C9orf85: variants seen among roughly 807,000 people sequenced by gnomAD.
C9orf85 encodes the protein chromosome 9 open reading frame 85, also known as uncharacterized protein C9orf85.
In C9orf85, 16 loss-of-function variants were observed where a neutral mutation model predicts 14.9. The ratio of observed to expected loss-of-function variants is 1.08; its 90% CI spans 0.73 to 1.63. The LOEUF is 1.63. Ranked by LOEUF, C9orf85 falls within the 40% of genes most tolerant of loss-of-function variation. C9orf85 has a pLI of 0.00. For synonymous variants in C9orf85, 45 were observed against 56.8 expected (o/e 0.79, Z 0.93); for missense variants, 172 against 186.1 (o/e 0.92, Z 0.44).
chr9:71,955,316 T>C lies in C9orf85; in HGVS notation c.209+8204T>C, dbSNP rs537714524. On this transcript the variant is annotated intron_variant, in intron 2 of 3. Coordinates refer to ENST00000334731, the MANE Select transcript of C9orf85 (RefSeq NM_182505.5). ...GATAGGTTATGTTAAAAGAAAACTT[T>C]AGACAAATTAAATTTAACAGAGTTT... is the stretch of plus-strand genomic sequence containing the variant. Among the ~76,000 whole-genome samples the C allele has an allele frequency of 1.3e-3, 202 of 152,270 alleles. 2 individuals are homozygous for C. Among genetic ancestry groups the C allele is most frequent in the Middle Eastern group, 3.4e-3 (1 of 294 alleles).
At chr9:71,936,705 A>T (rs1032962564) in intron 1 of C9orf85, among the ~76,000 whole-genome samples, 2 of 152,066 alleles carry the variant, frequency 1.3e-5, no homozygotes, top group African/African-American at 4.8e-5. Flanking sequence ...TAATGTTCAT[A>T]ACACGCCTTG....
chr9:71,972,451 G>T (rs989073085), intron 3 of C9orf85, among the ~76,000 whole-genome samples: 1 of 152,156 alleles, frequency 6.6e-6, no homozygotes, highest in African/African-American at 2.4e-5. Context: ...TAGAGACGGG[G>T]TTTTGCCACG....
chr9:71,972,635 C>A, intron 3 of C9orf85, 57 bp from the exon 4 acceptor site: 1 of 1,309,216 alleles, frequency 7.6e-7, no homozygotes, highest in African/African-American at 1.5e-5. Flanking sequence ...TTTCAATCTA[C>A]ATGGTTAAAT....
In C9orf85 at chr9:71,911,851, G is replaced by A. The variant is rs921415529; in HGVS notation, c.102+15G>A. On this transcript the variant is annotated intron_variant, in intron 1 of 3. Transcript: ENST00000334731. ...TGCAGACCAAGGTAGGAACCTGCCT[G>A]TTGCACCGTCTTTGACTCCAGGAAG... 8.1e-6 allele frequency: 13 copies of A among 1,608,516 alleles called. No homozygotes were observed. The South Asian group carries it at 9.9e-5, about 12-fold the overall frequency.
At chr9:71,939,966 A>G (rs768248725) in intron 1 of C9orf85, among the ~76,000 whole-genome samples, 9 of 152,216 alleles carry the variant, frequency 5.9e-5, no homozygotes, top group Non-Finnish European at 1.0e-4. Context: ...AAAATGTAAA[A>G]TTACTGAACT....
chr9:71,983,474 T>C (rs151033014), downstream of C9orf85: 1 of 152,252 alleles, frequency 6.6e-6, no homozygotes, highest in Non-Finnish European at 1.5e-5. Context: ...ATTTTCTCGC[T>C]GTCTGTAATG....
At chr9:71,948,982 A>G (rs1178878679) in intron 2 of C9orf85, among the ~76,000 whole-genome samples, 21 of 152,204 alleles carry the variant, frequency 1.4e-4, no homozygotes, top group Non-Finnish European at 5.9e-5. Flanking sequence ...GCATTACCCA[A>G]TTTTAGATTT....
chr9:71,923,749 A>G (rs1025877880), intron 1 of C9orf85, among the ~76,000 whole-genome samples: 7 of 152,140 alleles, frequency 4.6e-5, no homozygotes, highest in African/African-American at 7.2e-5. Flanking sequence ...GTCTGTACCC[A>G]TATATTTTAT....
In C9orf85 at chr9:71,972,907, G is replaced by A. The variant is rs893393233; in HGVS notation, c.*65G>A. On this transcript the variant is annotated 3_prime_UTR_variant, in exon 4 of 4. Transcript: ENST00000334731. ...GCCTGTAATCCCAACACTTTGGGAG[G>A]CCAAGGAGGGTGGATCACCTGAGGT... 31 of 1,367,604 alleles carry A rather than the reference G, an allele frequency of 2.3e-5. No individual in the cohort carries two copies. In the African/African-American group the frequency reaches 4.0e-4, roughly 18 times the overall value. The allele number at this position is 1,367,604 out of a possible 1,614,324, so 84.7% of individuals were successfully genotyped here. A position where few individuals can be genotyped will look rare whatever the true frequency, so the allele number is the denominator to read the frequency against.
intron 1 of C9orf85, among the ~76,000 whole-genome samples, chr9:71,930,863 A>G (rs527648644): frequency 5.9e-5 from 9 of 151,858 alleles, no homozygotes; most frequent in African/African-American, 1.9e-4. Context: ...TGATCTAGAA[A>G]TTACCCACAT....
chr9:71,983,747 C>G (rs1416560204), downstream of C9orf85: 1 of 152,176 alleles, frequency 6.6e-6, no homozygotes, highest in East Asian at 1.9e-4. Flanking sequence ...GTATGAACTT[C>G]TAAGAATTTT....
At chr9:71,955,529 T>C (rs1822360684) in intron 2 of C9orf85, among the ~76,000 whole-genome samples, 2 of 152,150 alleles carry the variant, frequency 1.3e-5, no homozygotes, top group Admixed American at 1.3e-4. Context: ...AACAGCTGGA[T>C]TGGTTACAGC....
Position 71,972,779 on chromosome 9 carries a change from T to C in C9orf85, c.411T>C (p.Ser137=). Residue 137 remains serine, a synonymous_variant, in exon 4 of 4, where the codon AGT becomes AGC. Transcript: ENST00000334731. Reference sequence around the variant, plus strand: ...GAAGCTGCAGAAGAAATGAAGAAAGTGATGATGATTTAGATTTTGATATTG... The same window carrying C: ...GAAGCTGCAGAAGAAATGAAGAAAGCGATGATGATTTAGATTTTGATATTG... The part of the protein sequence containing the change: ...HRRSCRRNEE[S]DDDLDFDIDL... The C allele has an allele frequency of 6.2e-7, 1 of 1,610,404 alleles. No individual in the cohort carries two copies. The highest frequency in any genetic ancestry group is 8.5e-7 in the Non-Finnish European group (1 of 1,177,688).
intron 2 of C9orf85, among the ~76,000 whole-genome samples, chr9:71,948,294 C>T (rs1822151821): frequency 6.6e-6 from 1 of 151,948 alleles, no homozygotes; most frequent in African/African-American, 2.4e-5. Context: ...ACAATATGAC[C>T]TTTGTTTATA....
chr9:71,967,075 C>T (rs1441742186), intron 2 of C9orf85, among the ~76,000 whole-genome samples: 2 of 152,132 alleles, frequency 1.3e-5, no homozygotes, highest in Non-Finnish European at 1.5e-5. Flanking sequence ...GAAGAGGAGA[C>T]ATTTTTTATT....
intron 2 of C9orf85, among the ~76,000 whole-genome samples, chr9:71,963,539 G>A (rs754929844): frequency 1.3e-5 from 2 of 152,240 alleles, no homozygotes; most frequent in Non-Finnish European, 2.9e-5. Flanking sequence ...GAGGTGTGGA[G>A]GGAGAGGCGT....
At chr9:71,970,630 C>T (rs944177315) in intron 2 of C9orf85, among the ~76,000 whole-genome samples, 8 of 152,098 alleles carry the variant, frequency 5.3e-5, no homozygotes, top group African/African-American at 1.4e-4. Flanking sequence ...GAAATCAATA[C>T]ATGTGAATCC....
At chr9:71,913,066 G>A (rs1827555843) in intron 1 of C9orf85, among the ~76,000 whole-genome samples, 1 of 152,074 alleles carries the variant, frequency 6.6e-6, no homozygotes, top group African/African-American at 2.4e-5. Flanking sequence ...TGAGTGAGTT[G>A]TATAATATTT....
intron 2 of C9orf85, among the ~76,000 whole-genome samples, chr9:71,962,821 C>T (rs777801686): frequency 1.3e-5 from 2 of 152,058 alleles, no homozygotes; most frequent in African/African-American, 4.8e-5. Flanking sequence ...TTTGGGAGGC[C>T]GAGGCAGGCG....
Sources: gnomAD v4.1 joint callset for allele counts (sites outside exome capture counted in the v4.1 genomes callset) on GRCh38, gnomAD v4.1.1 for gene constraint, MANE v1.5 for transcripts, NCBI Gene and HGNC (gene_info 2026-07-23, HGNC 2026-07-21) for gene names.